The following DNAH9 variants were observed in gnomAD, a reference collection of about 807,000 sequenced individuals.
DNAH9 encodes the protein DNAH9 variant protein.
In DNAH9, 345 loss-of-function variants were observed where a neutral mutation model predicts 471.6. The ratio of observed to expected loss-of-function variants is 0.73; its 90% CI spans 0.67 to 0.80. The LOEUF is 0.80. Ranked by LOEUF, DNAH9 falls within the 30% of genes least tolerant of loss-of-function variation. The pLI is 0.00. For synonymous variants in DNAH9, 2,093 were observed against 2,123.6 expected, an observed-to-expected ratio of 0.99 and a Z score of 0.40; for missense variants, 5,407 against 5,609.2, an observed-to-expected ratio of 0.96 and a Z score of 1.15.
At chr17:11,622,885 C>T (rs1315733178) in intron 6 of DNAH9, among the ~76,000 whole-genome samples, 1 of 151,992 alleles carries the variant, frequency 6.6e-6, no homozygotes, top group Non-Finnish European at 1.5e-5. Context: ...GCCTCTCATT[C>T]TCTTACGTGT....
chr17:11,618,262 G>A (rs141029298), intron 5 of DNAH9, among the ~76,000 whole-genome samples: 282 of 152,242 alleles, frequency 1.9e-3, no homozygotes, highest in African/African-American at 6.6e-3. Context: ...CACCAACCAG[G>A]GCAGCATAAA....
chr17:11,785,863 G>A (rs1003811700), intron 41 of DNAH9, among the ~76,000 whole-genome samples: 5 of 152,160 alleles, frequency 3.3e-5, no homozygotes, highest in African/African-American at 1.2e-4. Context: ...AGGAAAATAA[G>A]CATGTGATGG....
rs1380710110 is a variant in DNAH9 at position 11,946,677 on chromosome 17, AAAAG to A, written c.12843+4196_12843+4199del. Reference sequence around the variant, plus strand: ...AGACTCCATCTCAAAAAAAAAAAAAAAAAGAAAAAGAAAAAAAAAATCTGCACTT... The same window carrying A: ...AGACTCCATCTCAAAAAAAAAAAAAAAAAAAGAAAAAAAAAATCTGCACTT... On this transcript the variant is annotated intron_variant, in intron 67 of 68. Coordinates refer to ENST00000262442, the MANE Select transcript of DNAH9 (RefSeq NM_001372.4). Among the ~76,000 whole-genome samples, 481 of 150,252 alleles carry A rather than the reference AAAAG, an allele frequency of 3.2e-3. 2 individuals are homozygous for A. The highest frequency in any genetic ancestry group is 0.011 in the African/African-American group (460 of 40,828).
chr17:11,730,269 G>A (rs1273270322), intron 28 of DNAH9, among the ~76,000 whole-genome samples: 1 of 152,146 alleles, frequency 6.6e-6, no homozygotes, highest in East Asian at 1.9e-4. Context: ...CATGAGTGTA[G>A]CTTGAAATGG....
chr17:11,747,678 C>A lies in DNAH9; in HGVS notation c.6522C>A (p.Arg2174=), dbSNP rs760097399. The change falls in exon 32 of 69, where the codon CGC becomes CGA. Residue 2174 remains arginine, a synonymous_variant. Transcript: ENST00000262442. ...AGACCTATCAGATCATGAAACGGCGCCCCGTCTGGACTGACCTCAATCCCA... is the reference window on the plus strand; with the variant it reads ...AGACCTATCAGATCATGAAACGGCGACCCGTCTGGACTGACCTCAATCCCA... The part of the protein sequence containing the change: ...LHKTYQIMKR[R]PVWTDLNPKA... 1 of 1,614,144 alleles carries A rather than the reference C, an allele frequency of 6.2e-7. No homozygotes were observed. Among genetic ancestry groups the A allele is most frequent in the Admixed American group, 1.7e-5 (1 of 60,022 alleles).
intron 66 of DNAH9, among the ~76,000 whole-genome samples, chr17:11,938,979 T>C (rs1167117205): frequency 6.6e-6 from 1 of 152,200 alleles, no homozygotes; most frequent in Non-Finnish European, 1.5e-5. Flanking sequence ...TTTTAGCCTC[T>C]AGAGACTGAT....
intron 50 of DNAH9, among the ~76,000 whole-genome samples, chr17:11,859,391 A>C (rs1353733697): frequency 7.3e-6 from 1 of 136,680 alleles, no homozygotes; most frequent in Non-Finnish European, 1.5e-5. Flanking sequence ...CAGCCTGGGC[A>C]ACAGAGCGAG....
At chr17:11,696,378 T>C (rs915166079) in intron 22 of DNAH9, among the ~76,000 whole-genome samples, 1 of 152,200 alleles carries the variant, frequency 6.6e-6, no homozygotes, top group African/African-American at 2.4e-5. Flanking sequence ...CCATAGGTTA[T>C]TTATTATATT....
intron 28 of DNAH9, among the ~76,000 whole-genome samples, chr17:11,738,330 C>G (rs907052815): frequency 2.8e-4 from 43 of 152,196 alleles, no homozygotes; most frequent in African/African-American, 9.6e-5. Flanking sequence ...GCTGTTCCCT[C>G]CCATGCTCTT....
intron 9 of DNAH9, among the ~76,000 whole-genome samples, chr17:11,639,964 C>G (rs1990284): frequency 0.37 from 56,917 of 152,034 alleles, 11,054 homozygotes; most frequent in Middle Eastern, 0.45. Flanking sequence ...GATTGCGCCA[C>G]TGCACTCCAG....
intron 68 of DNAH9, among the ~76,000 whole-genome samples, chr17:11,965,841 CAGT>C (rs1976662871): frequency 6.6e-6 from 1 of 151,858 alleles, no homozygotes; most frequent in Admixed American, 6.6e-5. Context: ...AATGAAAACT[CAGT>C]AGAGGAATTC....
chr17:11,859,903 A>C (rs1395353025), intron 50 of DNAH9, among the ~76,000 whole-genome samples: 8 of 152,174 alleles, frequency 5.3e-5, no homozygotes. Context: ...ATCGCATTTC[A>C]ACCTGAGATT....
intron 17 of DNAH9, among the ~76,000 whole-genome samples, chr17:11,677,901 A>G (rs1411266619): frequency 6.6e-6 from 1 of 151,972 alleles, no homozygotes; most frequent in Non-Finnish European, 1.5e-5. Flanking sequence ...CAATGATTAA[A>G]AGACTTTAGA....
intron 24 of DNAH9, among the ~76,000 whole-genome samples, chr17:11,703,473 T>C (rs1313941016): frequency 6.6e-6 from 1 of 152,140 alleles, no homozygotes; most frequent in African/African-American, 2.4e-5. Flanking sequence ...TCATCTAGAG[T>C]GGTGTCCCCC....
intron 20 of DNAH9, among the ~76,000 whole-genome samples, 168 bp downstream of exon 20, chr17:11,690,604 C>T (rs1252512131): frequency 6.6e-6 from 1 of 151,088 alleles, no homozygotes; most frequent in Non-Finnish European, 1.5e-5. Context: ...AAAAGTTAGG[C>T]AGAGGAAAAG....
At chr17:11,721,095 G>A (rs1353370841) in intron 27 of DNAH9, among the ~76,000 whole-genome samples, 1 of 152,074 alleles carries the variant, frequency 6.6e-6, no homozygotes, top group East Asian at 1.9e-4. Flanking sequence ...AAGAAAATCA[G>A]CCAGATTTCT....
chr17:11,686,283 A>G (rs527817590), intron 19 of DNAH9, among the ~76,000 whole-genome samples: 1 of 152,310 alleles, frequency 6.6e-6, no homozygotes, highest in African/African-American at 2.4e-5. Context: ...TTCCACGATC[A>G]AATGCATGAG....
At chr17:11,696,100 G>C (rs893668545) in intron 22 of DNAH9, among the ~76,000 whole-genome samples, 6 of 152,068 alleles carry the variant, frequency 3.9e-5, no homozygotes, top group African/African-American at 7.2e-5. Flanking sequence ...ACCCACTATA[G>C]GTAACCAATT....
Position 11,747,766 on chromosome 17 carries a change from G to C in DNAH9, c.6610G>C (p.Gly2204Arg). The C allele has an allele frequency of 6.2e-7, 1 of 1,612,144 alleles. No individual in the cohort carries two copies. Among genetic ancestry groups the C allele is most frequent in the Non-Finnish European group, 8.5e-7 (1 of 1,178,300 alleles). Residue 2204 changes from glycine to arginine, a missense_variant and splice_region_variant, in exon 32 of 69, where the codon GGA becomes CGA. By Grantham distance (125) the Gly-to-Arg change is moderately radical (BLOSUM62 -2). This residue lies in a region of DNAH9 where 4,636 missense variants were observed against 4,900.3 expected (regional missense o/e 0.95). Transcript: ENST00000262442. ...INPATGEWKD[G>R]LFSSIMRELA... Reference sequence around the variant, plus strand: ...TCCAGCCACAGGAGAATGGAAGGATGGTAAGAGTGGGATTCTCCCAGGAGA... The same window carrying C: ...TCCAGCCACAGGAGAATGGAAGGATCGTAAGAGTGGGATTCTCCCAGGAGA...
Sources: gnomAD v4.1 joint callset for allele counts (sites outside exome capture counted in the v4.1 genomes callset) on GRCh38, gnomAD v4.1.1 for gene constraint, gnomAD v4.1.1 regional missense constraint, MANE v1.5 for transcripts, NCBI Gene and HGNC (gene_info 2026-07-23, HGNC 2026-07-21) for gene names.